Variants in SLC8A3 observed in about 807,000 individuals in gnomAD.
SLC8A3 encodes solute carrier family 8 member A3, also known as sodium/calcium exchanger 3.
SLC8A3 carries 37 observed loss-of-function variants against 65.4 expected under a neutral mutation model. The observed-to-expected ratio is 0.57, with a 90% confidence interval of 0.44 to 0.74. SLC8A3 has a LOEUF of 0.74. SLC8A3 is among the 30% of genes least tolerant of loss of function. The pLI, the probability that SLC8A3 is intolerant of heterozygous loss-of-function variation, is 0.00. For synonymous variants in SLC8A3, 461 were observed against 444.5 expected (o/e 1.04, Z -0.47); for missense variants, 1,112 against 1,172.1 (o/e 0.95, Z 0.75).
At chr14:70,140,631 A>G (rs1265283183) in intron 2 of SLC8A3, among the ~76,000 whole-genome samples, 2 of 152,202 alleles carry the variant, frequency 1.3e-5, no homozygotes, top group Non-Finnish European at 2.9e-5. Context: ...AATAGTACCT[A>G]CCAACAAGGT....
At chr14:70,109,316 T>TTA (rs997383503) in intron 2 of SLC8A3, among the ~76,000 whole-genome samples, 25 of 148,376 alleles carry the variant, frequency 1.7e-4, no homozygotes, top group East Asian at 3.9e-4. Flanking sequence ...TATATACACA[T>TTA]TATATATATA....
At chr14:70,055,752 TG>T in intron 3 of SLC8A3, 1 of 1,573,900 alleles carries the variant, frequency 6.4e-7, no homozygotes. Context: ...ATAATGGCAC[TG>T]GCAAGAAGTG....
chr14:70,070,568 A>G (rs1889919134), intron 2 of SLC8A3, among the ~76,000 whole-genome samples: 1 of 152,192 alleles, frequency 6.6e-6, no homozygotes, highest in African/African-American at 2.4e-5. Flanking sequence ...ACTTACTCCA[A>G]ATGGTTCTGG....
intron 2 of SLC8A3, among the ~76,000 whole-genome samples, chr14:70,108,890 C>T (rs1893068170): frequency 6.6e-6 from 1 of 152,140 alleles, no homozygotes; most frequent in Non-Finnish European, 1.5e-5. Flanking sequence ...TACCCTGGGC[C>T]TTTGCAAATG....
At chr14:70,055,308 T>C (rs1887968049) in intron 3 of SLC8A3, among the ~76,000 whole-genome samples, 1 of 152,200 alleles carries the variant, frequency 6.6e-6, no homozygotes, top group African/African-American at 2.4e-5. Flanking sequence ...CCAGGACTGG[T>C]AAAATTCCAG....
intron 2 of SLC8A3, among the ~76,000 whole-genome samples, chr14:70,096,714 T>A (rs1387766293): frequency 6.6e-6 from 1 of 152,202 alleles, no homozygotes; most frequent in Non-Finnish European, 1.5e-5. Context: ...CCTCAATTCA[T>A]GTCCCTCTTC....
chr14:70,062,534 C>A (rs1266277221), intron 2 of SLC8A3, among the ~76,000 whole-genome samples: 1 of 152,144 alleles, frequency 6.6e-6, no homozygotes, highest in Non-Finnish European at 1.5e-5. Context: ...AGCAATAGGC[C>A]CACATAGTCC....
chr14:70,046,325 T>C lies in SLC8A3; in HGVS notation c.2390-2A>G. The C allele has an allele frequency of 6.2e-7, 1 of 1,600,658 alleles. No homozygotes were observed. Among genetic ancestry groups the C allele is most frequent in the Non-Finnish European group, 8.5e-7 (1 of 1,172,430 alleles). Reference sequence around the variant, plus strand: ...CAGCAGCTTTGCTGGCAAACGTATCTGGAAAAGGACAAAGACACATGGGAA... The same window carrying C: ...CAGCAGCTTTGCTGGCAAACGTATCCGGAAAAGGACAAAGACACATGGGAA... On this transcript the variant is annotated splice_acceptor_variant, in intron 6 of 6. Coordinates refer to ENST00000356921, the MANE Select transcript of SLC8A3 (RefSeq NM_182932.3). LOFTEE classifies it high-confidence loss of function. This position sits in a 1 kb window ranked among gnomAD's most constrained non-coding sequence, Gnocchi z 4.2.
At chr14:70,062,134 G>A (rs561788108) in intron 2 of SLC8A3, among the ~76,000 whole-genome samples, 2 of 1,376 alleles carry the variant, frequency 1.5e-3, no homozygotes, top group Non-Finnish European at 5.5e-3. Flanking sequence ...GAGATTGGGG[G>A]AGGGGAGGCT....
At chr14:70,067,841 C>T (rs1305172179) in intron 2 of SLC8A3, among the ~76,000 whole-genome samples, 2 of 152,104 alleles carry the variant, frequency 1.3e-5, no homozygotes, top group South Asian at 2.1e-4. Flanking sequence ...TTTTTTTGGG[C>T]CCCCCATTTC....
chr14:70,085,270 C>T lies in SLC8A3; in HGVS notation c.1785-24331G>A, dbSNP rs368796303. Among the ~76,000 whole-genome samples the T allele has an allele frequency of 2.0e-5, 3 of 152,208 alleles. No individual in the cohort carries two copies. The South Asian group carries it at 6.2e-4, about 32-fold the overall frequency. ...ATTTTTCATGCACAACAAAACAAAA[C>T]ACACCAACACACAAAATTATATAGG... On this transcript the variant is annotated intron_variant, in intron 2 of 6. Coordinates refer to ENST00000356921, the MANE Select transcript of SLC8A3 (RefSeq NM_182932.3).
chr14:70,089,348 C>T (rs1346600408), intron 2 of SLC8A3, among the ~76,000 whole-genome samples: 1 of 152,184 alleles, frequency 6.6e-6, no homozygotes, highest in Non-Finnish European at 1.5e-5. Flanking sequence ...AGACCACCTC[C>T]AGCATGAAGA....
intron 2 of SLC8A3, among the ~76,000 whole-genome samples, chr14:70,160,909 G>A (rs1462077084): frequency 6.6e-6 from 1 of 150,498 alleles, no homozygotes. Context: ...ATCATGACCT[G>A]GGGCCCTTCG....
chr14:70,180,807 G>A (rs1882686134), intron 1 of SLC8A3, among the ~76,000 whole-genome samples: 1 of 152,212 alleles, frequency 6.6e-6, no homozygotes. Context: ...GAATACTGCA[G>A]TGGGAGCTGA....
chr14:70,095,179 A>G (rs111631679), intron 2 of SLC8A3, among the ~76,000 whole-genome samples: 55 of 152,330 alleles, frequency 3.6e-4, no homozygotes, highest in African/African-American at 1.2e-3. Flanking sequence ...TATTGGCTCT[A>G]CAAGGGTGCC....
chr14:70,088,976 C>T (rs1891635229), intron 2 of SLC8A3, among the ~76,000 whole-genome samples: 2 of 152,154 alleles, frequency 1.3e-5, no homozygotes, highest in Non-Finnish European at 2.9e-5. Context: ...ATTCTAGTAA[C>T]AGTCTCCTAA....
At chr14:70,186,317 T>C (rs1883212724) in intron 1 of SLC8A3, among the ~76,000 whole-genome samples, 1 of 152,180 alleles carries the variant, frequency 6.6e-6, no homozygotes, top group Non-Finnish European at 1.5e-5. Flanking sequence ...CTTTATAAAT[T>C]ACCCAGTCTT....
At chr14:70,128,870 GCA>G (rs990942014) in intron 2 of SLC8A3, among the ~76,000 whole-genome samples, 3 of 152,112 alleles carry the variant, frequency 2.0e-5, no homozygotes, top group Non-Finnish European at 4.4e-5. Context: ...CACGCAAAAC[GCA>G]CAGTGTGCCT....
chr14:70,089,546 A>C lies in SLC8A3; in HGVS notation c.1785-28607T>G, dbSNP rs551732015. Among the ~76,000 whole-genome samples the C allele has an allele frequency of 2.0e-3, 309 of 152,312 alleles. 3 individuals are homozygous for C. The highest frequency in any genetic ancestry group is 1.6e-3 in the Non-Finnish European group (109 of 68,028). ...GGCAGAGGAAGAACTTCCAGAAGAG[A>C]AGAAGCAGGTTTTGAAAATGACACT... On this transcript the variant is annotated intron_variant, in intron 2 of 6. Coordinates refer to ENST00000356921, the MANE Select transcript of SLC8A3 (RefSeq NM_182932.3).
Sources: gnomAD v4.1 joint callset for allele counts (sites outside exome capture counted in the v4.1 genomes callset) on GRCh38, gnomAD v4.1.1 for gene constraint, Gnocchi (gnomAD v3.1) non-coding constraint, MANE v1.5 for transcripts, NCBI Gene and HGNC (gene_info 2026-07-23, HGNC 2026-07-21) for gene names.